The following PXDNL variants were observed in gnomAD, a reference collection of about 807,000 sequenced individuals.
The protein encoded by PXDNL is peroxidasin like.
In PXDNL, 145 loss-of-function variants were observed where a neutral mutation model predicts 150.8. That is an observed-to-expected ratio of 0.96 (90% confidence interval 0.84 to 1.10). The LOEUF is 1.10. Ranked by LOEUF, PXDNL falls within the 50% of genes least tolerant of loss-of-function variation. The pLI is 0.00. For synonymous variants in PXDNL, 757 were observed against 725.7 expected (o/e 1.04, Z -0.69); for missense variants, 2,087 against 1,873.9 (o/e 1.11, Z -2.10).
Position 51,608,343 on chromosome 8 carries a change from T to C in PXDNL, c.237-15645A>G, listed in dbSNP as rs868658539. Among the ~76,000 whole-genome samples, 10 of 134,650 alleles carry C rather than the reference T, an allele frequency of 7.4e-5. No homozygotes were observed. The South Asian group carries it at 1.4e-3, about 18-fold the overall frequency. 88.3% of individuals were successfully genotyped at this position (134,650 alleles called of 152,430 possible). ...GGCGGAGTTTGCAGTGAGCCGAGATTGCACCACTGCACTCCAGCCTCAGCG... is the reference window on the plus strand; with the variant it reads ...GGCGGAGTTTGCAGTGAGCCGAGATCGCACCACTGCACTCCAGCCTCAGCG... On this transcript the variant is annotated intron_variant, in intron 2 of 22. Transcript: ENST00000356297.
chr8:51,698,453 C>A (rs978415488), intron 1 of PXDNL, among the ~76,000 whole-genome samples: 1 of 152,214 alleles, frequency 6.6e-6, no homozygotes, highest in Non-Finnish European at 1.5e-5. Context: ...CATGTTTGAT[C>A]ATGAGATTGC....
At chr8:51,715,719 T>G (rs1273163440) in intron 1 of PXDNL, among the ~76,000 whole-genome samples, 1 of 152,194 alleles carries the variant, frequency 6.6e-6, no homozygotes, top group Non-Finnish European at 1.5e-5. Context: ...GGGCGGGGTT[T>G]CTTGTCAAGT....
chr8:51,766,590 TAACTTTGCTGGATATGC>T (rs2037234189), intron 1 of PXDNL, among the ~76,000 whole-genome samples: 1 of 152,362 alleles, frequency 6.6e-6, no homozygotes, highest in South Asian at 2.1e-4. Flanking sequence ...TTTTGGAGGA[TAACTTTGCTGGATATGC>T]AATTGTTGTT....
At chr8:51,488,372 G>C (rs118051173) in intron 5 of PXDNL, among the ~76,000 whole-genome samples, 3,923 of 152,226 alleles carry the variant, frequency 0.026, 68 homozygotes, top group Non-Finnish European at 0.044. Context: ...GGGCAGAGGA[G>C]GGAGAAGTGA....
intron 17 of PXDNL, among the ~76,000 whole-genome samples, chr8:51,391,131 A>G (rs1001470806): frequency 6.6e-6 from 1 of 152,136 alleles, no homozygotes; most frequent in African/African-American, 2.4e-5. Flanking sequence ...ACATTTTCTT[A>G]ATCCAGTCTA....
chr8:51,552,078 C>T (rs1423968428), intron 4 of PXDNL, among the ~76,000 whole-genome samples: 5 of 152,146 alleles, frequency 3.3e-5, no homozygotes, highest in Non-Finnish European at 7.3e-5. Flanking sequence ...TGAAAAAATG[C>T]TCAACATCAC....
chr8:51,344,231 A>G (rs1806076821), intron 20 of PXDNL, among the ~76,000 whole-genome samples: 1 of 151,964 alleles, frequency 6.6e-6, no homozygotes, highest in African/African-American at 2.4e-5. Context: ...CAGCCTCCCT[A>G]GTAGCAGGGA....
At chr8:51,702,940 C>G (rs909916130) in intron 1 of PXDNL, among the ~76,000 whole-genome samples, 4 of 152,168 alleles carry the variant, frequency 2.6e-5, no homozygotes, top group Admixed American at 2.6e-4. Flanking sequence ...AATCTGAAAA[C>G]TTGGGTAGAT....
At chr8:51,455,040 C>T (rs1809901605) in intron 9 of PXDNL, among the ~76,000 whole-genome samples, 1 of 86,034 alleles carries the variant, frequency 1.2e-5, no homozygotes, top group Admixed American at 1.2e-4. Context: ...ACCCGGGAAG[C>T]GGAGCTTGCA....
intron 12 of PXDNL, among the ~76,000 whole-genome samples, chr8:51,443,158 T>C (rs1488725530): frequency 6.6e-6 from 1 of 152,226 alleles, no homozygotes. Context: ...AAATTTTCAT[T>C]AGTTACATTT....
intron 12 of PXDNL, among the ~76,000 whole-genome samples, chr8:51,440,432 T>TA (rs890433930): frequency 2.4e-5 from 3 of 124,606 alleles, no homozygotes; most frequent in African/African-American, 6.0e-5. Context: ...TACTGAAATT[T>TA]AAAAAAATCC....
intron 21 of PXDNL, among the ~76,000 whole-genome samples, chr8:51,335,348 A>G (rs1372796655): frequency 1.3e-5 from 2 of 152,120 alleles, no homozygotes; most frequent in Non-Finnish European, 2.9e-5. Context: ...AGGCACTGAT[A>G]TAAGATTTGG....
intron 3 of PXDNL, among the ~76,000 whole-genome samples, chr8:51,562,257 AT>A (rs1340695356): frequency 2.0e-5 from 3 of 151,888 alleles, no homozygotes; most frequent in African/African-American, 4.8e-5. Context: ...TTTTATAAAA[AT>A]GATATTTAGT....
At chr8:51,446,701 G>A (rs1383195383) in intron 12 of PXDNL, among the ~76,000 whole-genome samples, 2 of 152,106 alleles carry the variant, frequency 1.3e-5, no homozygotes, top group Admixed American at 6.5e-5. Context: ...GCATTCTTTT[G>A]TAAGACAGTC....
intron 4 of PXDNL, among the ~76,000 whole-genome samples, chr8:51,521,481 A>G (rs1811663043): frequency 6.6e-6 from 1 of 152,152 alleles, no homozygotes; most frequent in Non-Finnish European, 1.5e-5. Flanking sequence ...TAATAATAAT[A>G]AACAGATATC....
intron 1 of PXDNL, among the ~76,000 whole-genome samples, chr8:51,672,233 C>T (rs1437466594): frequency 1.3e-5 from 2 of 152,210 alleles, no homozygotes; most frequent in African/African-American, 2.4e-5. Context: ...TGCCTAGCCT[C>T]AGCCTCCCAA....
chr8:51,797,203 C>G (rs1355014796), intron 1 of PXDNL, among the ~76,000 whole-genome samples: 1 of 152,052 alleles, frequency 6.6e-6, no homozygotes, highest in Non-Finnish European at 1.5e-5. Context: ...TATGACAAAC[C>G]CACTGCAAAT....
At chr8:51,734,665 T>C (rs1352360519) in intron 1 of PXDNL, among the ~76,000 whole-genome samples, 1 of 152,238 alleles carries the variant, frequency 6.6e-6, no homozygotes, top group Non-Finnish European at 1.5e-5. Context: ...AACCATCTGG[T>C]ATTTCCTATG....
intron 1 of PXDNL, among the ~76,000 whole-genome samples, chr8:51,712,539 A>G (rs974005668): frequency 2.0e-5 from 3 of 152,244 alleles, no homozygotes; most frequent in Non-Finnish European, 4.4e-5. Context: ...ACCTAGAATC[A>G]TGCCTGGGAC....
Sources: gnomAD v4.1 joint callset for allele counts (sites outside exome capture counted in the v4.1 genomes callset) on GRCh38, gnomAD v4.1.1 for gene constraint, MANE v1.5 for transcripts, NCBI Gene and HGNC (gene_info 2026-07-23, HGNC 2026-07-21) for gene names.